Variants in SKIDA1 observed in about 807,000 individuals in gnomAD.
SKIDA1 encodes the protein SKI/DACH domain containing 1, also known as SKI/DACH domain-containing protein 1.
In SKIDA1, 18 loss-of-function variants were observed where a neutral mutation model predicts 51.4. The ratio of observed to expected loss-of-function variants is 0.35; its 90% confidence interval spans 0.24 to 0.52. The LOEUF is 0.52. SKIDA1 is among the 20% of genes least tolerant of loss of function. SKIDA1 has a pLI of 0.95. For synonymous variants in SKIDA1, 579 were observed against 500.5 expected (o/e 1.16, Z -2.09); for missense variants, 1,104 against 1,180.6 (o/e 0.94, Z 0.95).
chr10:21,521,050 G>A (rs1406519857), intron 3 of SKIDA1, among the ~76,000 whole-genome samples: 1 of 94,832 alleles, frequency 1.1e-5, no homozygotes, highest in African/African-American at 4.1e-5. Flanking sequence ...TTGCTTGAAT[G>A]AGTGCATGCA....
rs1027211677 is a variant in SKIDA1, at chr10:21,516,710, A to T, written c.1113T>A (p.His371Gln). 2 of 1,550,716 alleles carry T rather than the reference A, an allele frequency of 1.3e-6. No individual in the cohort carries two copies. The highest frequency in any genetic ancestry group is 2.4e-5 in the East Asian group (1 of 40,870). ...TGCAGCTCTCGGGAAAGCTGCCCAGATGGGGCTGCGGCCGGTGGTGGTGAG... is the reference window on the plus strand; with the variant it reads ...TGCAGCTCTCGGGAAAGCTGCCCAGTTGGGGCTGCGGCCGGTGGTGGTGAG... Reference protein sequence around the residue: ...HPPHHHRPQPHLGSFPESCSS... With the variant: ...HPPHHHRPQPQLGSFPESCSS... The change falls in exon 4 of 4, where the codon CAT becomes CAA. Residue 371 changes from histidine to glutamine, a missense_variant. Around this residue, in one of 3 missense-constraint regions of SKIDA1, gnomAD observed 938 missense variants for 886.4 expected, o/e 1.06. Transcript: ENST00000449193. The surrounding 1 kb of genome is among the most constrained non-coding windows in gnomAD (Gnocchi z 5.7).
rs1031743764 is a variant in SKIDA1, at chr10:21,516,563, C to T, written c.1260G>A (p.Glu420=). The T allele has an allele frequency of 3.2e-6, 5 of 1,549,184 alleles. No individual in the cohort carries two copies. The Admixed American group carries it at 7.8e-5, about 24-fold the overall frequency. The part of the protein sequence containing the change: ...SSEEEEEEGE[E]EEEEEEEEGG... ...CCTCCTCCTCCTCTTCCTCCTCCTCCTCCTCTCCCTCCTCCTCCTCTTCCT... is the reference window on the plus strand; with the variant it reads ...CCTCCTCCTCCTCTTCCTCCTCCTCTTCCTCTCCCTCCTCCTCCTCTTCCT... The change falls in exon 4 of 4, where the codon GAG becomes GAA. Residue 420 remains glutamate, a synonymous_variant. Coordinates refer to ENST00000449193, the MANE Select transcript of SKIDA1 (RefSeq NM_207371.4). The surrounding 1 kb of genome is among the most constrained non-coding windows in gnomAD (Gnocchi z 5.7).
intron 3 of SKIDA1, 63 bp from the exon 4 acceptor site, chr10:21,519,721 C>T (rs1054132036): frequency 1.2e-5 from 2 of 166,944 alleles, no homozygotes; most frequent in Non-Finnish European, 2.9e-5. Flanking sequence ...GCTTCCCCTG[C>T]TCTGGTCTGG....
chr10:21,520,483 C>T (rs34853448), intron 3 of SKIDA1, among the ~76,000 whole-genome samples: 33,062 of 57,182 alleles, frequency 0.58, 5,249 homozygotes, highest in Middle Eastern at 0.68. Context: ...CCCCCACCCC[C>T]GCCATTCCCC....
intron 3 of SKIDA1, among the ~76,000 whole-genome samples, chr10:21,519,876 A>C (rs2131274502): frequency 7.8e-6 from 1 of 128,260 alleles, no homozygotes; most frequent in African/African-American, 3.0e-5. Flanking sequence ...ATTTCCCAGG[A>C]ATTTTGAAAA....
chr10:21,515,722 G>A lies in SKIDA1; in HGVS notation c.2101C>T (p.His701Tyr). Residue 701 changes from histidine to tyrosine, a missense_variant, in exon 4 of 4, where the codon CAC (histidine) becomes TAC (tyrosine). His to Tyr is a moderately conservative substitution (Grantham distance 83). Around this residue, in one of 3 missense-constraint regions of SKIDA1, gnomAD observed 938 missense variants for 886.4 expected, o/e 1.06. Transcript: ENST00000449193. Reference sequence around the variant, plus strand: ...CACTTTAGCTTATTTGTAAAAAGGTGAGGTTCATATTCTTCATTAGCACTA... The same window carrying A: ...CACTTTAGCTTATTTGTAAAAAGGTAAGGTTCATATTCTTCATTAGCACTA... Reference protein sequence around the residue: ...DSSANEEYEPHLFTNKLKCEC... With the variant: ...DSSANEEYEPYLFTNKLKCEC... 1.2e-6 allele frequency: 2 copies of A among 1,614,042 alleles called. No individual in the cohort carries two copies. The highest frequency in any genetic ancestry group is 2.2e-5 in the East Asian group (1 of 44,892).
Position 21,516,027 on chromosome 10 carries a change from C to T in SKIDA1, c.1796G>A (p.Arg599Lys). Residue 599 changes from arginine to lysine, a missense_variant, in exon 4 of 4, where the codon AGG becomes AAG. Transcript: ENST00000449193. This position sits in a 1 kb window ranked among gnomAD's most constrained non-coding sequence, Gnocchi z 5.7. ...AGTAGGAGTTGTTTGTAGGCATTTC[C>T]TAGCCTCTCGGAGTATTCTTTGTTG... ...FPQQRILREA[R>K]KCLQTTPTTH... The T allele has an allele frequency of 6.2e-7, 1 of 1,614,048 alleles. No individual in the cohort carries two copies. The highest frequency in any genetic ancestry group is 8.5e-7 in the Non-Finnish European group (1 of 1,179,904).
Position 21,517,682 on chromosome 10 carries a change from C to A in SKIDA1, c.141G>T (p.Lys47Asn). ...LKNIPRTTVHKRMDHLKVKKH... is the reference protein window; with the variant it reads ...LKNIPRTTVHNRMDHLKVKKH... ...TCTTCACTTTCAGATGATCCATGCG[C>A]TTGTGCACGGTCGTCCTCGGGATGT... The change falls in exon 4 of 4, where the codon AAG becomes AAT. Residue 47 changes from lysine to asparagine, a missense_variant. Around this residue, in one of 3 missense-constraint regions of SKIDA1, gnomAD observed 54 missense variants for 126.0 expected, o/e 0.43. Transcript: ENST00000449193. This position sits in a 1 kb window ranked among gnomAD's most constrained non-coding sequence, Gnocchi z 6.9. 1 of 1,614,018 alleles carries A rather than the reference C, an allele frequency of 6.2e-7. No homozygotes were observed. The highest frequency in any genetic ancestry group is 8.5e-7 in the Non-Finnish European group (1 of 1,179,896).
rs1261407520 is a variant in SKIDA1 at position 21,523,889 on chromosome 10, A to AT, written c.-2117-19dup. ...CTGGGAACCTACAAAAAAGCGGGAG[A>AT]TAAAAAAAAAAAAAAAAAAATCACA... On this transcript the variant is annotated intron_variant, in intron 1 of 3. Coordinates refer to ENST00000449193, the MANE Select transcript of SKIDA1 (RefSeq NM_207371.4). 1.6e-4 allele frequency: 22 copies of AT among 137,458 alleles called. No homozygotes were observed. The highest frequency in any genetic ancestry group is 1.7e-4 in the Non-Finnish European group (11 of 63,866). 8.5% of individuals were successfully genotyped at this position (137,458 alleles called of 1,614,324 possible). A position where few individuals can be genotyped will look rare whatever the true frequency, so the allele number is the denominator to read the frequency against.
chr10:21,521,042 G>C (rs928367599), intron 3 of SKIDA1, among the ~76,000 whole-genome samples: 2 of 140,088 alleles, frequency 1.4e-5, no homozygotes, highest in Admixed American at 1.5e-4. Context: ...CAGCACTCTT[G>C]CTTGAATGAG....
In SKIDA1 at chr10:21,515,375, A is replaced by C. The variant is rs2032166901; in HGVS notation, c.2448T>G (p.Asn816Lys). 4 of 1,613,796 alleles carry C rather than the reference A, an allele frequency of 2.5e-6. No homozygotes were observed. The highest frequency in any genetic ancestry group is 2.2e-5 in the South Asian group (2 of 91,082). The change falls in exon 4 of 4, where the codon AAT becomes AAG. Residue 816 changes from asparagine (N) to lysine (K), a missense_variant. Physicochemically the swap from Asn to Lys is moderately conservative, Grantham distance 94 (BLOSUM62 0). Transcript: ENST00000449193. ...SPRPTGKTET[N>K]EGTLDDFTVI... ...CTGTAAAATCATCCAGTGTTCCTTCATTTGTCTCAGTTTTACCTGTAGGAC... is the reference window on the plus strand; with the variant it reads ...CTGTAAAATCATCCAGTGTTCCTTCCTTTGTCTCAGTTTTACCTGTAGGAC...
At position 21,517,958 on chromosome 10, in the gene SKIDA1, T is replaced by C; in HGVS notation, c.-136A>G. ...CTGCTAATAAAATAACAAAGACTGT[T>C]ATTCCCGGCGAAGGAAGTGCCAAAC... On this transcript the variant is annotated 5_prime_UTR_variant, in exon 4 of 4. In the 5' UTR this introduces an upstream ATG that the reference lacks. Coordinates refer to ENST00000449193, the MANE Select transcript of SKIDA1 (RefSeq NM_207371.4). The surrounding 1 kb of genome is among the most constrained non-coding windows in gnomAD (Gnocchi z 6.9). 1 of 803,008 alleles carries C rather than the reference T, an allele frequency of 1.2e-6. No individual in the cohort carries two copies. Among genetic ancestry groups the C allele is most frequent in the Non-Finnish European group, 1.8e-6 (1 of 556,034 alleles). 49.7% of individuals were successfully genotyped at this position (803,008 alleles called of 1,614,324 possible). A position where few individuals can be genotyped will look rare whatever the true frequency, so the allele number is the denominator to read the frequency against.
At position 21,516,791 on chromosome 10, in the gene SKIDA1, ATGGTGGTGGTGGTGG is replaced by A; in HGVS notation, c.1017_1031del (p.His347_His351del). Reference sequence around the variant, plus strand: ...CCCGGTGGTGGTGGTGGTGGTGGTGATGGTGGTGGTGGTGGTGGTGGTGCGGAGGCGGGCAGAAGC... The same window carrying A: ...CCCGGTGGTGGTGGTGGTGGTGGTGATGGTGGTGCGGAGGCGGGCAGAAGC... On this transcript the variant is annotated inframe_deletion, in exon 4 of 4. Transcript: ENST00000449193. This position sits in a 1 kb window ranked among gnomAD's most constrained non-coding sequence, Gnocchi z 5.7. The A allele has an allele frequency of 6.6e-7, 1 of 1,514,332 alleles. No individual in the cohort carries two copies. Among genetic ancestry groups the A allele is most frequent in the Non-Finnish European group, 8.8e-7 (1 of 1,131,320 alleles). 93.8% of individuals were successfully genotyped at this position (1,514,332 alleles called of 1,614,324 possible).
In SKIDA1 at chr10:21,516,618, A is replaced by G. The variant is rs890448090; in HGVS notation, c.1205T>C (p.Leu402Ser). 1.9e-5 allele frequency: 29 copies of G among 1,551,538 alleles called. No homozygotes were observed. In the African/African-American group the frequency reaches 3.7e-4, roughly 20 times the overall value. The change falls in exon 4 of 4, where the codon TTG becomes TCG. Residue 402 changes from leucine to serine, a missense_variant. Transcript: ENST00000449193. This position sits in a 1 kb window ranked among gnomAD's most constrained non-coding sequence, Gnocchi z 5.7. ...AANDSDFGSS[L>S]SSSSNSVSSE... ...GGACACAGAATTGCTGGAGCTGGAC[A>G]AACTGGAGCCAAAATCCGAGTCGTT...
In SKIDA1 at chr10:21,517,131, G is replaced by T; in HGVS notation, c.692C>A (p.Ala231Asp). Residue 231 changes from alanine to aspartate, a missense_variant, in exon 4 of 4, where the codon GCC becomes GAC. Ala to Asp is a moderately radical substitution (Grantham distance 126, BLOSUM62 -2). Coordinates refer to ENST00000449193, the MANE Select transcript of SKIDA1 (RefSeq NM_207371.4). This position sits in a 1 kb window ranked among gnomAD's most constrained non-coding sequence, Gnocchi z 6.9. ...GGCGGCGGCGGCGGCAGCAGCGGCG[G>T]CGGCGGCGGCGGCGGCGGCTGCCGG... Reference protein sequence around the residue: ...KHPAAAAAAAAAAAAAAAAAA... With the variant: ...KHPAAAAAAADAAAAAAAAAA... The T allele has an allele frequency of 8.3e-7, 1 of 1,204,060 alleles. No individual in the cohort carries two copies. Among genetic ancestry groups the T allele is most frequent in the South Asian group, 3.2e-5 (1 of 30,982 alleles). 74.6% of individuals were successfully genotyped at this position (1,204,060 alleles called of 1,614,324 possible).
rs1588682003 is a variant in SKIDA1, at chr10:21,516,537, C to CCATCCT, written c.1285_1286insAGGATG (p.Glu428_Gly429insGluAsp). 1 of 1,489,264 alleles carries CCATCCT rather than the reference C, an allele frequency of 6.7e-7. No homozygotes were observed. 92.3% of individuals were successfully genotyped at this position (1,489,264 alleles called of 1,614,324 possible). ...ACTGGAATCCGAGGCCCCGCTGCCC[C>CCATCCT]CCTCCTCCTCCTCTTCCTCCTCCTC... is the stretch of plus-strand genomic sequence containing the variant. On this transcript the variant is annotated inframe_insertion, in exon 4 of 4. Coordinates refer to ENST00000449193, the MANE Select transcript of SKIDA1 (RefSeq NM_207371.4). The surrounding 1 kb of genome is among the most constrained non-coding windows in gnomAD (Gnocchi z 5.7).
Position 21,516,736 on chromosome 10 carries a change from G to T in SKIDA1, c.1087C>A (p.Pro363Thr), listed in dbSNP as rs982516203. ...AQPPQQSHHPPHHHRPQPHLG... is the reference protein window; with the variant it reads ...AQPPQQSHHPTHHHRPQPHLG... ...TGGGGCTGCGGCCGGTGGTGGTGAG[G>T]GGGGTGGTGACTCTGCTGCGGCGGC... is the stretch of plus-strand genomic sequence containing the variant. Residue 363 changes from proline to threonine, a missense_variant, in exon 4 of 4, where the codon CCT becomes ACT. Physicochemically the swap from Pro to Thr is conservative, Grantham distance 38 (BLOSUM62 -1). This residue lies in a region of SKIDA1 where 938 missense variants were observed against 886.4 expected (regional missense o/e 1.06). Transcript: ENST00000449193. This position sits in a 1 kb window ranked among gnomAD's most constrained non-coding sequence, Gnocchi z 5.7. 6.5e-7 allele frequency: 1 copy of T among 1,550,076 alleles called. No individual in the cohort carries two copies. Among genetic ancestry groups the T allele is most frequent in the Non-Finnish European group, 8.7e-7 (1 of 1,146,616 alleles).
chr10:21,522,049 G>C (rs2032410134), intron 2 of SKIDA1, among the ~76,000 whole-genome samples: 1 of 152,216 alleles, frequency 6.6e-6, no homozygotes, highest in African/African-American at 2.4e-5. Flanking sequence ...GGCATTTACA[G>C]TCTTTTAAAT....
rs1055362133 is a variant in SKIDA1, at chr10:21,514,057, A to G, written c.*1039T>C. ...TGGTGAAACCCCGTCTCTACTAAAAATACAAAAATTAGCCGGACATGGTGG... is the reference window on the plus strand; with the variant it reads ...TGGTGAAACCCCGTCTCTACTAAAAGTACAAAAATTAGCCGGACATGGTGG... On this transcript the variant is annotated 3_prime_UTR_variant, in exon 4 of 4. Coordinates refer to ENST00000449193, the MANE Select transcript of SKIDA1 (RefSeq NM_207371.4). 3 of 152,016 alleles carry G rather than the reference A, an allele frequency of 2.0e-5. No homozygotes were observed. The highest frequency in any genetic ancestry group is 4.8e-5 in the African/African-American group (2 of 41,364). 9.4% of individuals were successfully genotyped at this position (152,016 alleles called of 1,614,324 possible).
Sources: gnomAD v4.1 joint callset for allele counts (sites outside exome capture counted in the v4.1 genomes callset) on GRCh38, gnomAD v4.1.1 for gene constraint, gnomAD v4.1.1 regional missense constraint, Gnocchi (gnomAD v3.1) non-coding constraint, MANE v1.5 for transcripts, NCBI Gene and HGNC (gene_info 2026-07-23, HGNC 2026-07-21) for gene names.